The following SLC9A9 variants were observed in gnomAD, a reference collection of about 807,000 sequenced individuals.
The protein encoded by SLC9A9 is sodium/hydrogen exchanger 9.
SLC9A9 carries 62 observed loss-of-function variants against 77.8 expected under a neutral mutation model. That is an observed-to-expected ratio of 0.80 (90% CI 0.65 to 0.98). The LOEUF (loss-of-function observed/expected upper bound fraction) is 0.98. Among genes scored for constraint, SLC9A9 ranks in the 50% least tolerant of loss-of-function variants. The pLI is 0.00. For missense variants in SLC9A9, 775 were observed against 774.9 expected (o/e 1.00, Z 0.00); for synonymous variants, 320 against 283.5 (o/e 1.13, Z -1.29).
At chr3:143,476,401 A>G (rs1030927001) in intron 11 of SLC9A9, among the ~76,000 whole-genome samples, 2 of 152,238 alleles carry the variant, frequency 1.3e-5, no homozygotes, top group African/African-American at 4.8e-5. Flanking sequence ...GTGTATTTTT[A>G]TGTAAAGAGA....
At chr3:143,522,472 G>A (rs2036318659) in intron 9 of SLC9A9, among the ~76,000 whole-genome samples, 1 of 151,964 alleles carries the variant, frequency 6.6e-6, no homozygotes, top group South Asian at 2.1e-4. Context: ...CTCATGACAG[G>A]CATTTAGTTG....
At chr3:143,446,473 A>G (rs1379135909) in intron 12 of SLC9A9, among the ~76,000 whole-genome samples, 1 of 152,168 alleles carries the variant, frequency 6.6e-6, no homozygotes, top group African/African-American at 2.4e-5. Flanking sequence ...TAAATGGGTT[A>G]GGGCACTTCG....
At chr3:143,295,004 G>C (rs1157716546) in intron 14 of SLC9A9, among the ~76,000 whole-genome samples, 1 of 152,194 alleles carries the variant, frequency 6.6e-6, no homozygotes, top group East Asian at 1.9e-4. Flanking sequence ...TAATGATTTG[G>C]CATTAGTGAT....
chr3:143,467,475 G>T (rs1245285450), intron 11 of SLC9A9, among the ~76,000 whole-genome samples: 1 of 152,122 alleles, frequency 6.6e-6, no homozygotes, highest in Non-Finnish European at 1.5e-5. Context: ...TGGGTGCAGT[G>T]GCTCACACTT....
intron 1 of SLC9A9, among the ~76,000 whole-genome samples, chr3:143,842,471 T>A (rs2009733723): frequency 6.6e-6 from 1 of 152,200 alleles, no homozygotes; most frequent in Non-Finnish European, 1.5e-5. Context: ...ATTTTCCCTG[T>A]CTCTGGCAAA....
intron 4 of SLC9A9, among the ~76,000 whole-genome samples, chr3:143,773,546 G>A (rs62268873): frequency 9.8e-4 from 148 of 150,360 alleles, no homozygotes; most frequent in Admixed American, 1.7e-3. Context: ...GTGCAATGGC[G>A]CGATCTTGGC....
chr3:143,477,968 C>T (rs1454136912), intron 11 of SLC9A9, among the ~76,000 whole-genome samples: 1 of 152,198 alleles, frequency 6.6e-6, no homozygotes, highest in African/African-American at 2.4e-5. Flanking sequence ...TTGCCCACTC[C>T]CTAACTTTCT....
intron 11 of SLC9A9, among the ~76,000 whole-genome samples, chr3:143,476,309 A>T (rs903768508): frequency 2.6e-5 from 4 of 152,374 alleles, no homozygotes; most frequent in Admixed American, 2.6e-4. Context: ...GTGTTAGACA[A>T]GTAGAGCTTT....
chr3:143,467,186 CA>C lies in SLC9A9; in HGVS notation c.1319del (p.Leu440CysfsTer9). On this transcript the variant is annotated frameshift_variant, in exon 12 of 16. Transcript: ENST00000316549. LOFTEE classifies it high-confidence loss of function. ...CTAAGGCAAATGCGATCGCTCCTCG[CA>C]AACCTTGCAGGAAAAACCAAAGGAG... is the stretch of plus-strand genomic sequence containing the variant. ...NFQHMMMFSGLRGAIAFALAI... is the reference protein window; with the variant it reads ...NFQHMMMFSGXRGAIAFALAI... The C allele has an allele frequency of 1.2e-6, 2 of 1,614,166 alleles. No homozygotes were observed. The highest frequency in any genetic ancestry group is 1.7e-6 in the Non-Finnish European group (2 of 1,180,012).
chr3:143,516,673 G>A (rs1428825990), intron 9 of SLC9A9, among the ~76,000 whole-genome samples: 2 of 152,038 alleles, frequency 1.3e-5, no homozygotes, highest in Non-Finnish European at 2.9e-5. Context: ...TTTGCTTCCT[G>A]CCTCTCCTAC....
In SLC9A9 at chr3:143,266,271, G is replaced by T; in HGVS notation, c.*431C>A. Reference sequence around the variant, plus strand: ...ACTAAATAGCTGGGCATTCCCTTCAGCTTAGGAGCAAAATGTTTACTCTCA... The same window carrying T: ...ACTAAATAGCTGGGCATTCCCTTCATCTTAGGAGCAAAATGTTTACTCTCA... On this transcript the variant is annotated 3_prime_UTR_variant, in exon 16 of 16. Transcript: ENST00000316549. The T allele has an allele frequency of 1.7e-6, 1 of 597,600 alleles. No homozygotes were observed. The highest frequency in any genetic ancestry group is 1.9e-5 in the African/African-American group (1 of 53,828). 37.0% of individuals were successfully genotyped at this position (597,600 alleles called of 1,614,324 possible).
chr3:143,291,401 G>C (rs1371120843), intron 14 of SLC9A9, among the ~76,000 whole-genome samples: 2 of 152,214 alleles, frequency 1.3e-5, no homozygotes, highest in East Asian at 1.9e-4. Flanking sequence ...GTGGTGGAAG[G>C]CCGGGAGGCA....
At chr3:143,798,725 A>G (rs1298741720) in intron 2 of SLC9A9, among the ~76,000 whole-genome samples, 1 of 152,136 alleles carries the variant, frequency 6.6e-6, no homozygotes, top group Non-Finnish European at 1.5e-5. Context: ...TTGTCGTAAA[A>G]TGGGCAAATG....
At chr3:143,625,651 C>G (rs1275563289) in intron 6 of SLC9A9, among the ~76,000 whole-genome samples, 1 of 152,144 alleles carries the variant, frequency 6.6e-6, no homozygotes, top group African/African-American at 2.4e-5. Context: ...AGACCTAAAA[C>G]CATAAAAACC....
At chr3:143,460,458 A>T (rs1230015514) in intron 12 of SLC9A9, among the ~76,000 whole-genome samples, 3 of 152,276 alleles carry the variant, frequency 2.0e-5, no homozygotes, top group Middle Eastern at 3.4e-3. Context: ...TGTTACCTAA[A>T]GTACAAATAC....
intron 2 of SLC9A9, among the ~76,000 whole-genome samples, chr3:143,818,235 A>C (rs1250782334): frequency 6.6e-6 from 1 of 152,208 alleles, no homozygotes; most frequent in Admixed American, 6.5e-5. Flanking sequence ...ATTATCTTTT[A>C]AAGATCAAGG....
chr3:143,416,212 T>A (rs7652087), intron 12 of SLC9A9, among the ~76,000 whole-genome samples: 40,871 of 152,058 alleles, frequency 0.27, 6,020 homozygotes, highest in Non-Finnish European at 0.34. Context: ...GAAGATGCCA[T>A]GAACATGGTT....
rs141649765 is a variant in SLC9A9 at position 143,500,402 on chromosome 3, G to A, written c.1090-4954C>T. Among the ~76,000 whole-genome samples, 336 of 152,200 alleles carry A rather than the reference G, an allele frequency of 2.2e-3. 2 individuals are homozygous for A. Among genetic ancestry groups the A allele is most frequent in the Non-Finnish European group, 3.3e-3 (223 of 68,002 alleles). On this transcript the variant is annotated intron_variant, in intron 9 of 15. Transcript: ENST00000316549. Reference sequence around the variant, plus strand: ...TTAACTTTATGAGTGTTTTCAAGAAGCAACTTTGGCTTGTCGATTTTTCTG... The same window carrying A: ...TTAACTTTATGAGTGTTTTCAAGAAACAACTTTGGCTTGTCGATTTTTCTG...
intron 9 of SLC9A9, among the ~76,000 whole-genome samples, chr3:143,506,563 T>G (rs577043262): frequency 6.6e-6 from 1 of 152,210 alleles, no homozygotes; most frequent in Non-Finnish European, 1.5e-5. Flanking sequence ...TTCCACAGTT[T>G]AGGCAGCAAC....
Sources: allele counts gnomAD v4.1 joint callset (sites outside exome capture counted in the v4.1 genomes callset), GRCh38; gene constraint gnomAD v4.1.1; transcripts MANE v1.5; gene names NCBI Gene and HGNC (gene_info 2026-07-23, HGNC 2026-07-21).